GALNTL6: variants seen among roughly 807,000 people sequenced by gnomAD.
GALNTL6 encodes polypeptide N-acetylgalactosaminyltransferase like 6.
A neutral mutation model predicts 73.7 loss-of-function variants in GALNTL6; 46 were observed. The ratio of observed to expected loss-of-function variants is 0.62; its 90% confidence interval spans 0.49 to 0.80. GALNTL6 has a LOEUF of 0.80. GALNTL6 is among the 30% of genes least tolerant of loss of function. The probability of loss-of-function intolerance (pLI) is 0.00; values close to 1 mark genes in which losing one functional copy is unlikely to be tolerated. For synonymous variants in GALNTL6, 259 were observed against 263.7 expected (o/e 0.98, Z 0.17); for missense variants, 604 against 755.0 (o/e 0.80, Z 2.34).
intron 8 of GALNTL6, among the ~76,000 whole-genome samples, chr4:172,897,186 C>G (rs1746374840): frequency 6.6e-6 from 1 of 152,208 alleles, no homozygotes; most frequent in African/African-American, 2.4e-5. Flanking sequence ...GCTGGAAAGC[C>G]TGGTCTCATT....
At chr4:172,597,533 G>GTGGGGAGAGGTATGTAAC (rs1737901648) in intron 5 of GALNTL6, among the ~76,000 whole-genome samples, 1 of 152,114 alleles carries the variant, frequency 6.6e-6, no homozygotes, top group African/African-American at 2.4e-5. Flanking sequence ...TTATTTTGCT[G>GTGGGGAGAGGTATGTAAC]TGGGGAGAGG....
chr4:172,392,115 A>T (rs538427175), intron 5 of GALNTL6, among the ~76,000 whole-genome samples: 1 of 152,054 alleles, frequency 6.6e-6, no homozygotes, highest in Admixed American at 6.6e-5. Flanking sequence ...CAGCCTCCGG[A>T]GTAGCTGGGA....
chr4:172,596,211 T>A (rs959362100), intron 5 of GALNTL6, among the ~76,000 whole-genome samples: 3 of 151,826 alleles, frequency 2.0e-5, no homozygotes, highest in African/African-American at 7.3e-5. Context: ...ATCCCAGCAC[T>A]TTGGGAGGTT....
At chr4:171,958,245 G>T (rs1252070723) in intron 2 of GALNTL6, among the ~76,000 whole-genome samples, 4 of 152,104 alleles carry the variant, frequency 2.6e-5, no homozygotes, top group Non-Finnish European at 5.9e-5. Context: ...GATATCCACA[G>T]ATATTGAAGG....
chr4:172,500,462 T>C (rs1386825052), intron 5 of GALNTL6, among the ~76,000 whole-genome samples: 1 of 152,046 alleles, frequency 6.6e-6, no homozygotes, highest in Non-Finnish European at 1.5e-5. Context: ...CAAAGAATTG[T>C]CTTGAAAGCA....
chr4:172,344,247 C>A lies in GALNTL6; in HGVS notation c.387-4276C>A, dbSNP rs1027502904. Among the ~76,000 whole-genome samples the A allele has an allele frequency of 3.9e-5, 6 of 152,108 alleles. 1 individual carries two copies. In the East Asian group the frequency reaches 5.8e-4, roughly 15 times the overall value. ...GACTTGACATTAAACCTAAAATATG[C>A]AGGTGCAGAGCCTAAATAAAGCCCT... On this transcript the variant is annotated intron_variant, in intron 4 of 12. Coordinates refer to ENST00000506823, the MANE Select transcript of GALNTL6 (RefSeq NM_001034845.3).
At chr4:172,168,269 TG>T (rs1734695798) in intron 2 of GALNTL6, among the ~76,000 whole-genome samples, 1 of 152,018 alleles carries the variant, frequency 6.6e-6, no homozygotes, top group Non-Finnish European at 1.5e-5. Flanking sequence ...TAAAGTTTTT[TG>T]TTTGTTTTGT....
At chr4:172,749,645 G>A (rs1032416365) in intron 5 of GALNTL6, among the ~76,000 whole-genome samples, 1 of 151,130 alleles carries the variant, frequency 6.6e-6, no homozygotes, top group Non-Finnish European at 1.5e-5. Flanking sequence ...GATAATATTG[G>A]CTGTGTTTAT....
intron 2 of GALNTL6, among the ~76,000 whole-genome samples, chr4:172,024,111 A>T (rs1295273288): frequency 6.6e-6 from 1 of 151,806 alleles, no homozygotes; most frequent in Non-Finnish European, 1.5e-5. Flanking sequence ...AGTAAATGCC[A>T]ATGTATGCAT....
At chr4:172,329,922 C>A (rs775934714) in intron 4 of GALNTL6, among the ~76,000 whole-genome samples, 1 of 152,106 alleles carries the variant, frequency 6.6e-6, no homozygotes, top group Non-Finnish European at 1.5e-5. Context: ...TTCCACAGGG[C>A]AGCTACACTG....
At chr4:172,093,758 G>A (rs549035756) in intron 2 of GALNTL6, among the ~76,000 whole-genome samples, 1 of 152,166 alleles carries the variant, frequency 6.6e-6, no homozygotes, top group Non-Finnish European at 1.5e-5. Flanking sequence ...AAGAATCTAG[G>A]TTGCACACTC....
intron 5 of GALNTL6, among the ~76,000 whole-genome samples, chr4:172,522,967 C>G (rs1483074040): frequency 6.6e-6 from 1 of 152,080 alleles, no homozygotes; most frequent in Non-Finnish European, 1.5e-5. Flanking sequence ...TCTCAATAGC[C>G]AATTCCTGTC....
intron 2 of GALNTL6, among the ~76,000 whole-genome samples, chr4:172,016,059 C>T (rs1006423812): frequency 5.5e-5 from 8 of 145,682 alleles, no homozygotes; most frequent in Non-Finnish European, 3.0e-5. Flanking sequence ...ATCTTTTTGC[C>T]ATGACTTTCC....
intron 5 of GALNTL6, among the ~76,000 whole-genome samples, chr4:172,683,674 A>G (rs1212201890): frequency 6.6e-6 from 1 of 152,224 alleles, no homozygotes; most frequent in Non-Finnish European, 1.5e-5. Context: ...AATGTAAAGG[A>G]AGAATTGTCA....
At chr4:173,028,768 C>A (rs1257029169) in intron 12 of GALNTL6, among the ~76,000 whole-genome samples, 1 of 152,148 alleles carries the variant, frequency 6.6e-6, no homozygotes, top group Admixed American at 6.6e-5. Context: ...AACCTCCCAA[C>A]GACCAAAAAT....
chr4:172,579,212 A>C (rs1328719763), intron 5 of GALNTL6, among the ~76,000 whole-genome samples: 2 of 152,220 alleles, frequency 1.3e-5, no homozygotes, highest in Non-Finnish European at 2.9e-5. Flanking sequence ...TTTACAGGAA[A>C]CTAACACATT....
intron 2 of GALNTL6, among the ~76,000 whole-genome samples, chr4:172,196,247 G>T (rs531181132): frequency 2.6e-5 from 4 of 152,030 alleles, no homozygotes; most frequent in Non-Finnish European, 5.9e-5. Flanking sequence ...ACTGAAATAC[G>T]AAGAAGGTGA....
chr4:171,947,748 G>T (rs754664823), intron 2 of GALNTL6, among the ~76,000 whole-genome samples: 3 of 152,080 alleles, frequency 2.0e-5, no homozygotes, highest in Non-Finnish European at 4.4e-5. Context: ...AGGAAAAAAT[G>T]TATTATTCAA....
chr4:172,889,009 G>C (rs1450536956), intron 8 of GALNTL6, among the ~76,000 whole-genome samples: 1 of 151,726 alleles, frequency 6.6e-6, no homozygotes, highest in African/African-American at 2.4e-5. Context: ...ATTTGCTTTT[G>C]TGTGTGTGGC....
Sources: gnomAD v4.1 joint callset for allele counts (sites outside exome capture counted in the v4.1 genomes callset) on GRCh38, gnomAD v4.1.1 for gene constraint, MANE v1.5 for transcripts, NCBI Gene and HGNC (gene_info 2026-07-23, HGNC 2026-07-21) for gene names.